LY6G6F: variants seen among roughly 807,000 people sequenced by gnomAD.
LY6G6F encodes the protein lymphocyte antigen 6 family member G6F.
Under a neutral mutation model 33.0 loss-of-function variants are expected in LY6G6F, and 26 were observed. That is an observed-to-expected ratio of 0.79 (90% CI 0.58 to 1.09). The LOEUF is 1.09. LY6G6F is among the 50% of genes least tolerant of loss of function. LY6G6F has a pLI of 0.00. For synonymous variants in LY6G6F, 132 were observed against 148.1 expected (o/e 0.89, Z 0.79); for missense variants, 317 against 372.0 (o/e 0.85, Z 1.22).
intron 3 of LY6G6F, among the ~76,000 whole-genome samples, chr6:31,709,616 C>A (rs1389707481): frequency 6.6e-6 from 1 of 151,582 alleles, no homozygotes; most frequent in Non-Finnish European, 1.5e-5. Context: ...CTGGTCTCGA[C>A]CTCCTGACCT....
Position 31,710,502 on chromosome 6 carries a change from C to A in LY6G6F, c.870-65C>A. The A allele has an allele frequency of 6.2e-7, 1 of 1,613,370 alleles. No individual in the cohort carries two copies. The highest frequency in any genetic ancestry group is 8.5e-7 in the Non-Finnish European group (1 of 1,179,370). ...AAACACGGGTTGGGTTGGGGATGGG[C>A]CCTCGTTCCTGAGGATGTGAAAAGT... On this transcript the variant is annotated intron_variant, in intron 5 of 5. Transcript: ENST00000375832. This position sits in a 1 kb window ranked among gnomAD's most constrained non-coding sequence, Gnocchi z 4.7.
At position 31,710,315 on chromosome 6, in the gene LY6G6F, C is replaced by T. The variant is rs1232399373; in HGVS notation, c.803-37C>T. 4.3e-6 allele frequency: 7 copies of T among 1,613,286 alleles called. No homozygotes were observed. Among genetic ancestry groups the T allele is most frequent in the Non-Finnish European group, 5.9e-6 (7 of 1,180,040 alleles). On this transcript the variant is annotated intron_variant, in intron 4 of 5. Coordinates refer to ENST00000375832, the MANE Select transcript of LY6G6F (RefSeq NM_001003693.3). This position sits in a 1 kb window ranked among gnomAD's most constrained non-coding sequence, Gnocchi z 4.7. ...AACACGGCTCTAAGTTGTCTGCTGA[C>T]TTCTCTTCTGTATCCCTGATGGCTC...
intron 3 of LY6G6F, 131 bp from the exon 4 acceptor site, chr6:31,709,895 G>A (rs1713771565): frequency 2.2e-6 from 2 of 928,872 alleles, no homozygotes; most frequent in South Asian, 1.7e-5. Context: ...GGATATTGTG[G>A]GCAGGGAAGC....
At chr6:31,709,406 T>C (rs1805861469) in intron 3 of LY6G6F, among the ~76,000 whole-genome samples, 1 of 151,628 alleles carries the variant, frequency 6.6e-6, no homozygotes, top group South Asian at 2.1e-4. Context: ...ATTACAGGCA[T>C]ATGCCACCAC....
intron 3 of LY6G6F, among the ~76,000 whole-genome samples, chr6:31,708,719 G>A (rs985954842): frequency 2.6e-5 from 4 of 152,084 alleles, no homozygotes; most frequent in Non-Finnish European, 4.4e-5. Context: ...TTGAGGTTGG[G>A]AGTTCAAGAC....
intron 3 of LY6G6F, among the ~76,000 whole-genome samples, chr6:31,708,962 T>C (rs1400075235): frequency 6.6e-6 from 1 of 151,780 alleles, no homozygotes; most frequent in African/African-American, 2.4e-5. Flanking sequence ...AGACGGGGTT[T>C]CACCATGTTG....
chr6:31,710,033 C>T lies in LY6G6F; in HGVS notation c.654C>T (p.Ile218=), dbSNP rs763703562. 12 of 1,611,868 alleles carry T rather than the reference C, an allele frequency of 7.4e-6. No individual in the cohort carries two copies. The highest frequency in any genetic ancestry group is 1.3e-5 in the African/African-American group (1 of 74,898). Residue 218 remains isoleucine, a synonymous_variant, in exon 4 of 6, where the codon ATC becomes ATT. Coordinates refer to ENST00000375832, the MANE Select transcript of LY6G6F (RefSeq NM_001003693.3). The surrounding 1 kb of genome is among the most constrained non-coding windows in gnomAD (Gnocchi z 4.7). ...KGVSFSLAAS[I]DASPALCAPS... ...GTCTGGCCCTTACTACAGCCTCCAT[C>T]GATGCTTCTCCTGCCCTCTGTGCCC...
Position 31,707,920 on chromosome 6 carries a change from C to A in LY6G6F, c.432C>A (p.Leu144=), listed in dbSNP as rs747582062. The A allele has an allele frequency of 6.2e-7, 1 of 1,613,484 alleles. No individual in the cohort carries two copies. Among genetic ancestry groups the A allele is most frequent in the Non-Finnish European group, 8.5e-7 (1 of 1,180,030 alleles). ...RAADGSPCNV[L]LCSVVPSRRM... The stretch of plus-strand genomic sequence containing the variant: ...CAGATGGATCCCCCTGCAATGTCCT[C>A]CTGTGCTCTGTGGTCCCCAGCAGAC... The change falls in exon 3 of 6, where the codon CTC becomes CTA. Residue 144 remains leucine, a synonymous_variant. Transcript: ENST00000375832. The surrounding 1 kb of genome is among the most constrained non-coding windows in gnomAD (Gnocchi z 4.1).
chr6:31,708,190 G>A, intron 3 of LY6G6F, 56 bp downstream of exon 3: 1 of 1,501,860 alleles, frequency 6.7e-7, no homozygotes, highest in Non-Finnish European at 8.9e-7. Context: ...CTCCCAAGTA[G>A]CTGGAATTAC....
rs1301532787 is a variant in LY6G6F, at chr6:31,710,443, G to A, written c.869+25G>A. ...GGTGAGGAACAGCTAGGGAACAGAG[G>A]CTTAAATCCTGGAGGGGACTGGGGA... On this transcript the variant is annotated intron_variant, in intron 5 of 5. Transcript: ENST00000375832. This position sits in a 1 kb window ranked among gnomAD's most constrained non-coding sequence, Gnocchi z 4.7. 7 of 1,614,006 alleles carry A rather than the reference G, an allele frequency of 4.3e-6. 1 individual carries two copies. The South Asian group carries it at 7.7e-5, about 18-fold the overall frequency.
intron 3 of LY6G6F, 109 bp downstream of exon 3, chr6:31,708,243 T>A: frequency 7.3e-7 from 1 of 1,367,030 alleles, no homozygotes; most frequent in Non-Finnish European, 9.8e-7. Flanking sequence ...GTACTTTTAG[T>A]AGAGACGAGA....
chr6:31,707,367 C>T lies in LY6G6F; in HGVS notation c.53-91C>T. ...ACCAGCCAGGCCTGTGCTGGGGGAC[C>T]CCAGAAGGGAAGGAAGCCAGGGTTG... On this transcript the variant is annotated intron_variant, in intron 1 of 5. Coordinates refer to ENST00000375832, the MANE Select transcript of LY6G6F (RefSeq NM_001003693.3). This position sits in a 1 kb window ranked among gnomAD's most constrained non-coding sequence, Gnocchi z 4.1. 1 of 1,214,810 alleles carries T rather than the reference C, an allele frequency of 8.2e-7. No individual in the cohort carries two copies. The highest frequency in any genetic ancestry group is 2.7e-4 in the Middle Eastern group (1 of 3,642). 75.3% of individuals were successfully genotyped at this position (1,214,810 alleles called of 1,614,324 possible). A position where few individuals can be genotyped will look rare whatever the true frequency, so the allele number is the denominator to read the frequency against.
At chr6:31,708,980 T>G (rs375778492) in intron 3 of LY6G6F, among the ~76,000 whole-genome samples, 2 of 150,904 alleles carry the variant, frequency 1.3e-5, no homozygotes, top group East Asian at 3.9e-4. Flanking sequence ...TTGGCCAGGA[T>G]GGCCTTGATC....
At chr6:31,709,990 C>G (rs992638669) in intron 3 of LY6G6F, 36 bp from the exon 4 acceptor site, 1 of 1,589,130 alleles carries the variant, frequency 6.3e-7, no homozygotes, top group Non-Finnish European at 8.6e-7. Context: ...CCCTCACTAC[C>G]TCCCTCCCAT....
rs61740977 is a variant in LY6G6F, at chr6:31,710,176, G to A, written c.797G>A (p.Gly266Asp). 15,879 of 1,611,368 alleles carry A rather than the reference G, an allele frequency of 9.9e-3. 213 individuals are homozygous for A. The highest frequency in any genetic ancestry group is 0.097 in the Middle Eastern group (588 of 6,054). The change falls in exon 4 of 6, where the codon GGC (glycine) becomes GAC (aspartate). Residue 266 changes from glycine (G) to aspartate (D), a missense_variant. Gly to Asp is a moderately conservative substitution (Grantham distance 94, BLOSUM62 -1). Transcript: ENST00000375832. This position sits in a 1 kb window ranked among gnomAD's most constrained non-coding sequence, Gnocchi z 4.7. The part of the protein sequence containing the change: ...LWRQRVRGAP[G>D]RDASIPQFKP... ...AGGCAGAGGGTCCGTGGGGCTCCAG[G>A]CAGAGGTGAGTCCCTCCCTCCCCGG...
chr6:31,710,489 G>T lies in LY6G6F; in HGVS notation c.869+71G>T. 3 of 1,613,648 alleles carry T rather than the reference G, an allele frequency of 1.9e-6. No homozygotes were observed. Among genetic ancestry groups the T allele is most frequent in the Non-Finnish European group, 2.5e-6 (3 of 1,179,580 alleles). ...GGGGATGGAGAGGAAACACGGGTTG[G>T]GTTGGGGATGGGCCCTCGTTCCTGA... On this transcript the variant is annotated intron_variant, in intron 5 of 5. Coordinates refer to ENST00000375832, the MANE Select transcript of LY6G6F (RefSeq NM_001003693.3). The surrounding 1 kb of genome is among the most constrained non-coding windows in gnomAD (Gnocchi z 4.7).
rs143715803 is a variant in LY6G6F at position 31,707,717 on chromosome 6, C to G, written c.312C>G (p.Tyr104Ter). ...EGSKEEDAGR[Y>*]WCAVLGQHHN... Reference sequence around the variant, plus strand: ...CCAAAGAGGAAGATGCCGGGCGGTACTGGTGCGCTGTGCTAGGTCAGCACC... The same window carrying G: ...CCAAAGAGGAAGATGCCGGGCGGTAGTGGTGCGCTGTGCTAGGTCAGCACC... Residue 104 changes from tyrosine (Y) to a stop codon, truncating the protein, a stop_gained, in exon 2 of 6, where the codon TAC becomes TAG. Transcript: ENST00000375832. LOFTEE classifies it high-confidence loss of function. This position sits in a 1 kb window ranked among gnomAD's most constrained non-coding sequence, Gnocchi z 4.1. 5.6e-6 allele frequency: 9 copies of G among 1,614,076 alleles called. No individual in the cohort carries two copies. The African/African-American group carries it at 8.0e-5, about 14-fold the overall frequency.
chr6:31,708,150 A>C lies in LY6G6F; in HGVS notation c.646+16A>C. ...AGCCTGGCAGGTAAACTGAGGAAGGAGACGGAAAGGGATGTTCTTTCACTT... is the reference window on the plus strand; with the variant it reads ...AGCCTGGCAGGTAAACTGAGGAAGGCGACGGAAAGGGATGTTCTTTCACTT... On this transcript the variant is annotated intron_variant, in intron 3 of 5. Coordinates refer to ENST00000375832, the MANE Select transcript of LY6G6F (RefSeq NM_001003693.3). The C allele has an allele frequency of 6.6e-7, 1 of 1,519,598 alleles. No individual in the cohort carries two copies. The highest frequency in any genetic ancestry group is 8.8e-7 in the Non-Finnish European group (1 of 1,133,800). 94.1% of individuals were successfully genotyped at this position (1,519,598 alleles called of 1,614,324 possible).
Position 31,707,425 on chromosome 6 carries a change from G to T in LY6G6F, c.53-33G>T. ...AATGGGGGGTTATTGATCTGATGGA[G>T]GTCTCTGGCCTCATACAACCCTCTT... On this transcript the variant is annotated intron_variant, in intron 1 of 5. Transcript: ENST00000375832. This position sits in a 1 kb window ranked among gnomAD's most constrained non-coding sequence, Gnocchi z 4.1. 2 of 1,583,672 alleles carry T rather than the reference G, an allele frequency of 1.3e-6. No homozygotes were observed. The highest frequency in any genetic ancestry group is 1.7e-6 in the Non-Finnish European group (2 of 1,155,696).
Sources: allele counts gnomAD v4.1 joint callset (sites outside exome capture counted in the v4.1 genomes callset), GRCh38; gene constraint gnomAD v4.1.1; non-coding constraint Gnocchi (gnomAD v3.1); transcripts MANE v1.5; gene names NCBI Gene and HGNC (gene_info 2026-07-23, HGNC 2026-07-21).